Variants in TXNL4A observed in about 807,000 individuals in gnomAD.
The protein encoded by TXNL4A is thioredoxin-like protein 4A.
Under a neutral mutation model 14.6 loss-of-function variants are expected in TXNL4A, and 17 were observed. The ratio of observed to expected loss-of-function variants is 1.16; its 90% confidence interval spans 0.80 to 1.74. The LOEUF is 1.74. Ranked by LOEUF, TXNL4A falls within the 40% of genes most tolerant of loss-of-function variation. TXNL4A has a pLI of 0.00. For synonymous variants in TXNL4A, 83 were observed against 70.6 expected (o/e 1.18, Z -0.88); for missense variants, 74 against 195.2 (o/e 0.38, Z 3.70).
At chr18:79,998,816 C>T (rs1689615070) in intron 1 of TXNL4A, among the ~76,000 whole-genome samples, 1 of 151,668 alleles carries the variant, frequency 6.6e-6, no homozygotes, top group Admixed American at 6.6e-5. Flanking sequence ...GTATAATAAT[C>T]TTAATCTGGC....
chr18:79,985,800 A>C (rs1395049597), intron 1 of TXNL4A: 1 of 152,240 alleles, frequency 6.6e-6, no homozygotes, highest in Non-Finnish European at 1.5e-5. Flanking sequence ...TACTCACTTT[A>C]AAACAGCTGG....
At chr18:79,987,985 ATTCAT>A (rs2051579062) in intron 1 of TXNL4A, among the ~76,000 whole-genome samples, 1 of 152,276 alleles carries the variant, frequency 6.6e-6, no homozygotes, top group African/African-American at 2.4e-5. Context: ...GAAATAATTA[ATTCAT>A]TTGAGAGGAG....
intron 1 of TXNL4A, among the ~76,000 whole-genome samples, chr18:80,000,241 G>C (rs2145103632): frequency 6.6e-6 from 1 of 152,362 alleles, no homozygotes; most frequent in Non-Finnish European, 1.5e-5. Flanking sequence ...ACTCCCTAGA[G>C]ACTTGTTGAA....
intron 1 of TXNL4A, among the ~76,000 whole-genome samples, chr18:80,026,614 A>G (rs971028543): frequency 1.3e-5 from 2 of 152,206 alleles, no homozygotes; most frequent in African/African-American, 4.8e-5. Context: ...GTAATAAAAA[A>G]GTTAACATGG....
intron 1 of TXNL4A, among the ~76,000 whole-genome samples, chr18:80,022,552 C>T (rs576271266): frequency 2.6e-5 from 4 of 152,294 alleles, no homozygotes; most frequent in African/African-American, 9.6e-5. Flanking sequence ...GGTAATAAGG[C>T]CACGCCCTTG....
chr18:79,997,798 T>A (rs2051672613), intron 1 of TXNL4A, among the ~76,000 whole-genome samples: 1 of 152,168 alleles, frequency 6.6e-6, no homozygotes, highest in Non-Finnish European at 1.5e-5. Flanking sequence ...CTATATTTAC[T>A]CAAACAGCCA....
chr18:79,984,997 C>T (rs1005874996), intron 1 of TXNL4A, among the ~76,000 whole-genome samples: 8 of 152,174 alleles, frequency 5.3e-5, no homozygotes, highest in African/African-American at 1.9e-4. Flanking sequence ...ATGAAATTGT[C>T]TCCTGTGACG....
intron 1 of TXNL4A, among the ~76,000 whole-genome samples, chr18:79,994,722 G>C (rs770887098): frequency 6.6e-6 from 1 of 152,064 alleles, no homozygotes; most frequent in South Asian, 2.1e-4. Flanking sequence ...CTCTCTAATC[G>C]TTTCTCTCTC....
upstream of TXNL4A, among the ~76,000 whole-genome samples, chr18:79,991,001 G>A (rs1238019291): frequency 2.6e-5 from 4 of 151,522 alleles, no homozygotes; most frequent in African/African-American, 7.3e-5. Context: ...CCAGCTACTC[G>A]GGAGGCTGAG....
In TXNL4A at chr18:79,979,015, G is replaced by A. The variant is rs1013748125; in HGVS notation, c.154-1314C>T. ...TGCAGTTGCATGATCTTGGCTCACTGCAACCTCCACCTCCCAGGTTCAAGC... is the reference window on the plus strand; with the variant it reads ...TGCAGTTGCATGATCTTGGCTCACTACAACCTCCACCTCCCAGGTTCAAGC... On this transcript the variant is annotated intron_variant, in intron 1 of 2. Transcript: ENST00000269601. Among the ~76,000 whole-genome samples, 128 of 151,384 alleles carry A rather than the reference G, an allele frequency of 8.5e-4. 1 individual carries two copies. Among genetic ancestry groups the A allele is most frequent in the African/African-American group, 3.0e-3 (124 of 41,246 alleles).
At chr18:80,007,406 A>G (rs1306178050) in intron 1 of TXNL4A, among the ~76,000 whole-genome samples, 1 of 152,224 alleles carries the variant, frequency 6.6e-6, no homozygotes, top group Non-Finnish European at 1.5e-5. Context: ...GGTGTCGTGC[A>G]GAGAGAGTCG....
At chr18:79,979,978 G>A (rs866133555) in intron 1 of TXNL4A, among the ~76,000 whole-genome samples, 6 of 152,178 alleles carry the variant, frequency 3.9e-5, no homozygotes, top group Admixed American at 6.5e-5. Flanking sequence ...AAGTGACAGC[G>A]CAGCTTATTT....
chr18:79,976,037 C>A (rs1347946494), intron 2 of TXNL4A, among the ~76,000 whole-genome samples: 4 of 152,168 alleles, frequency 2.6e-5, no homozygotes, highest in East Asian at 1.9e-4. Context: ...ATGCAGGGTG[C>A]ACCTCACAGA....
intron 1 of TXNL4A, among the ~76,000 whole-genome samples, chr18:79,979,127 G>A (rs1381997617): frequency 2.0e-5 from 3 of 150,324 alleles, no homozygotes; most frequent in African/African-American, 4.9e-5. Flanking sequence ...TAGTAGAGAC[G>A]AGGTTTCACC....
At chr18:79,985,640 A>G (rs10438902) in intron 1 of TXNL4A, among the ~76,000 whole-genome samples, 119,573 of 152,212 alleles carry the variant, frequency 0.79, 47,685 homozygotes, top group East Asian at 0.91. Flanking sequence ...TCTTTTAAGC[A>G]TAGCTCTGTT....
chr18:79,995,396 T>TCC (rs992311647), intron 1 of TXNL4A: 3 of 152,192 alleles, frequency 2.0e-5, no homozygotes, highest in African/African-American at 7.2e-5. Context: ...TCCTTCAGTG[T>TCC]CCCGGAGGGT....
chr18:79,996,595 G>A (rs1053568674), intron 1 of TXNL4A, among the ~76,000 whole-genome samples: 1 of 152,056 alleles, frequency 6.6e-6, no homozygotes, highest in Non-Finnish European at 1.5e-5. Flanking sequence ...CTTTTTCATC[G>A]AAAGGTGAGC....
intron 1 of TXNL4A, among the ~76,000 whole-genome samples, chr18:80,030,274 T>C (rs1389475129): frequency 4.6e-5 from 7 of 152,226 alleles, no homozygotes; most frequent in Admixed American, 4.6e-4. Context: ...ACAATAACCA[T>C]TACAATTATT....
At chr18:79,985,009 C>T (rs1164705347) in intron 1 of TXNL4A, among the ~76,000 whole-genome samples, 2 of 151,220 alleles carry the variant, frequency 1.3e-5, no homozygotes, top group East Asian at 1.9e-4. Flanking sequence ...CCTGTGACGG[C>T]GTTCCCACAA....
Sources: allele counts gnomAD v4.1 joint callset (sites outside exome capture counted in the v4.1 genomes callset), GRCh38; gene constraint gnomAD v4.1.1; transcripts MANE v1.5; gene names NCBI Gene and HGNC (gene_info 2026-07-23, HGNC 2026-07-21).